The following NEGR1 variants were observed in gnomAD, a reference collection of about 807,000 sequenced individuals.
The protein encoded by NEGR1 is neuronal growth regulator 1, also known as IgLON family member 4.
A neutral mutation model predicts 40.9 loss-of-function variants in NEGR1; 10 were observed. That is an observed-to-expected ratio of 0.24 (90% CI 0.15 to 0.42). The LOEUF is 0.42. Among genes scored for constraint, NEGR1 ranks in the 10% least tolerant of loss-of-function variants. NEGR1 has a pLI of 1.00. For synonymous variants in NEGR1, 185 were observed against 166.8 expected (o/e 1.11, Z -0.84); for missense variants, 352 against 438.9 (o/e 0.80, Z 1.77).
intron 2 of NEGR1, among the ~76,000 whole-genome samples, chr1:71,881,614 AT>A (rs947236781): frequency 1.2e-4 from 18 of 152,202 alleles, no homozygotes; most frequent in African/African-American, 4.3e-4. Context: ...ATTTGTTTTC[AT>A]TTGATTATTG....
In NEGR1 at chr1:71,675,762, G is replaced by C. The variant is rs903994625; in HGVS notation, c.667+22246C>G. Among the ~76,000 whole-genome samples the C allele has an allele frequency of 4.0e-5, 6 of 149,008 alleles. No homozygotes were observed. The South Asian group carries it at 1.3e-3, about 32-fold the overall frequency. The stretch of plus-strand genomic sequence containing the variant: ...AAGGGACATAATTTCAGTCTCTCTA[G>C]TTTTTTGGTTTTTGTTGTTGTTGTT... On this transcript the variant is annotated intron_variant, in intron 4 of 6. Transcript: ENST00000357731.
intron 2 of NEGR1, among the ~76,000 whole-genome samples, chr1:71,825,391 G>A (rs1332240442): frequency 6.6e-6 from 1 of 151,676 alleles, no homozygotes; most frequent in Non-Finnish European, 1.5e-5. Context: ...GCATGCTTTG[G>A]TCCCACTTCT....
chr1:72,136,568 A>C (rs1650471510), intron 1 of NEGR1, among the ~76,000 whole-genome samples: 1 of 151,658 alleles, frequency 6.6e-6, no homozygotes, highest in South Asian at 2.1e-4. Context: ...CAGACTTTAT[A>C]AAGCTATTAC....
At chr1:71,624,056 T>C (rs1392267625) in intron 4 of NEGR1, among the ~76,000 whole-genome samples, 1 of 151,908 alleles carries the variant, frequency 6.6e-6, no homozygotes, top group Non-Finnish European at 1.5e-5. Flanking sequence ...ACTCTCCTTA[T>C]AATCTCAATC....
intron 6 of NEGR1, among the ~76,000 whole-genome samples, chr1:71,416,486 C>T (rs1284104070): frequency 2.6e-5 from 4 of 151,938 alleles, no homozygotes; most frequent in South Asian, 4.1e-4. Flanking sequence ...GTTTGTTCTT[C>T]GATTTTTCCA....
chr1:71,916,957 G>C (rs963345228), intron 2 of NEGR1, among the ~76,000 whole-genome samples: 1 of 152,150 alleles, frequency 6.6e-6, no homozygotes, highest in Non-Finnish European at 1.5e-5. Context: ...TTATTTGACT[G>C]ACAACGGGAG....
chr1:71,735,656 C>T (rs2101669701), intron 3 of NEGR1, among the ~76,000 whole-genome samples: 1 of 151,950 alleles, frequency 6.6e-6, no homozygotes, highest in South Asian at 2.1e-4. Flanking sequence ...TATATACACA[C>T]ACATCGTGGG....
At chr1:72,002,418 A>T (rs1254000392) in intron 1 of NEGR1, among the ~76,000 whole-genome samples, 1 of 152,148 alleles carries the variant, frequency 6.6e-6, no homozygotes, top group Non-Finnish European at 1.5e-5. Context: ...AGACTAAAGC[A>T]CAATTCAACA....
In NEGR1 at chr1:72,149,879, CAAAAA is replaced by C. The variant is rs1180110033; in HGVS notation, c.176+132435_176+132439del. 5.1e-4 allele frequency among the ~76,000 whole-genome samples: 20 copies of C among 39,370 alleles called. 1 individual carries two copies. Among genetic ancestry groups the C allele is most frequent in the Non-Finnish European group, 7.6e-4 (15 of 19,702 alleles). The allele number at this position is 39,370 out of a possible 152,430, so 25.8% of individuals were successfully genotyped here. On this transcript the variant is annotated intron_variant, in intron 1 of 6. Coordinates refer to ENST00000357731, the MANE Select transcript of NEGR1 (RefSeq NM_173808.3). The stretch of plus-strand genomic sequence containing the variant: ...CTGGGCAACAAGAACAAAACTCTGT[CAAAAA>C]AAAAAAAAAAAAAAAAAGAAAGAAA...
chr1:71,512,985 T>C (rs937408343), intron 6 of NEGR1, among the ~76,000 whole-genome samples: 6 of 152,212 alleles, frequency 3.9e-5, no homozygotes, highest in African/African-American at 1.4e-4. Context: ...ACAGTTTTAC[T>C]ATACATATAA....
At chr1:72,229,934 A>G (rs1417519165) in intron 1 of NEGR1, among the ~76,000 whole-genome samples, 1 of 152,112 alleles carries the variant, frequency 6.6e-6, no homozygotes, top group Non-Finnish European at 1.5e-5. Context: ...AAAATGAACA[A>G]TCAATCCACA....
At chr1:71,940,990 A>C (rs1259685774) in intron 1 of NEGR1, among the ~76,000 whole-genome samples, 1 of 152,126 alleles carries the variant, frequency 6.6e-6, no homozygotes, top group East Asian at 1.9e-4. Flanking sequence ...TTCTCAAGAC[A>C]TTTTGATTAA....
rs745763202 is a variant in NEGR1, at chr1:71,546,084, T to C, written c.940+46733A>G. ...AGTAATATTTAGGATTTTTGTTTAA[T>C]TGACACAACAGCTCTTTGGTCACAA... On this transcript the variant is annotated intron_variant, in intron 6 of 6. Transcript: ENST00000357731. 2.6e-5 allele frequency among the ~76,000 whole-genome samples: 4 copies of C among 151,864 alleles called. 1 individual carries two copies. The highest frequency in any genetic ancestry group is 2.1e-4 in the South Asian group (1 of 4,826).
intron 2 of NEGR1, among the ~76,000 whole-genome samples, chr1:71,831,807 A>G (rs199691709): frequency 5.2e-5 from 1 of 19,312 alleles, no homozygotes; most frequent in Non-Finnish European, 1.3e-4. Flanking sequence ...GACAAAAAGA[A>G]AAAAAAAAAA....
chr1:71,619,988 A>G (rs1313885433), intron 4 of NEGR1, among the ~76,000 whole-genome samples: 4 of 152,048 alleles, frequency 2.6e-5, no homozygotes, highest in Non-Finnish European at 4.4e-5. Context: ...TATTATTATT[A>G]AAAACGAGTA....
At chr1:71,845,886 T>C (rs1186843936) in intron 2 of NEGR1, among the ~76,000 whole-genome samples, 3 of 151,396 alleles carry the variant, frequency 2.0e-5, no homozygotes, top group African/African-American at 4.9e-5. Flanking sequence ...CAGTCTTTCA[T>C]GTAGCTAGGA....
rs150248927 is a variant in NEGR1, at chr1:71,587,258, T to C, written c.940+5559A>G. On this transcript the variant is annotated intron_variant, in intron 6 of 6. Coordinates refer to ENST00000357731, the MANE Select transcript of NEGR1 (RefSeq NM_173808.3). Reference sequence around the variant, plus strand: ...ACTTGCAAGGACACAGCTAGTTTCATATTCAACAAATCAGTTGAAAGGTAC... The same window carrying C: ...ACTTGCAAGGACACAGCTAGTTTCACATTCAACAAATCAGTTGAAAGGTAC... Among the ~76,000 whole-genome samples, 429 of 152,258 alleles carry C rather than the reference T, an allele frequency of 2.8e-3. 3 individuals carry two copies. Among genetic ancestry groups the C allele is most frequent in the African/African-American group, 0.01 (418 of 41,562 alleles).
chr1:71,548,387 C>T (rs1647970240), intron 6 of NEGR1, among the ~76,000 whole-genome samples: 1 of 151,510 alleles, frequency 6.6e-6, no homozygotes, highest in Non-Finnish European at 1.5e-5. Flanking sequence ...ATGCTGCCAC[C>T]AAATGCAAAT....
intron 3 of NEGR1, among the ~76,000 whole-genome samples, chr1:71,768,741 C>T (rs1304906102): frequency 2.0e-5 from 3 of 152,066 alleles, no homozygotes; most frequent in Non-Finnish European, 4.4e-5. Flanking sequence ...TGTGTCTTTG[C>T]TCAAGTCTCA....
Sources: allele counts gnomAD v4.1 joint callset (sites outside exome capture counted in the v4.1 genomes callset), GRCh38; gene constraint gnomAD v4.1.1; transcripts MANE v1.5; gene names NCBI Gene and HGNC (gene_info 2026-07-23, HGNC 2026-07-21).